The following ECE1 variants were observed in gnomAD, a reference collection of about 807,000 sequenced individuals.
The protein encoded by ECE1 is endothelin-converting enzyme 1.
In ECE1, 35 loss-of-function variants were observed where a neutral mutation model predicts 98.6. The ratio of observed to expected loss-of-function variants is 0.35; its 90% CI spans 0.27 to 0.47. The LOEUF (loss-of-function observed/expected upper bound fraction) is 0.47. Among genes scored for constraint, ECE1 ranks in the 20% least tolerant of loss-of-function variants. The pLI is 1.00. For synonymous variants in ECE1, 394 were observed against 407.1 expected (o/e 0.97, Z 0.39); for missense variants, 814 against 1,025.3 (o/e 0.79, Z 2.81).
intron 10 of ECE1, 52 bp from the exon 11 acceptor site, chr1:21,238,296 A>G: frequency 6.9e-7 from 1 of 1,452,670 alleles, no homozygotes; most frequent in Non-Finnish European, 9.6e-7. Context: ...TTGTTTCCCA[A>G]CCCCTTTCTT....
intron 3 of ECE1, among the ~76,000 whole-genome samples, chr1:21,273,573 G>A (rs1012030151): frequency 1.1e-4 from 17 of 152,144 alleles, no homozygotes; most frequent in African/African-American, 3.6e-4. Context: ...CAGGACATAG[G>A]AAGGAGGAAA....
At position 21,218,012 on chromosome 1, in the gene ECE1, G is replaced by A. The variant is rs28368057; in HGVS notation, c.*1943C>T. ...GGAAAGCGGTGGCTGTGGAGGGCAC[G>A]TGCTGCCCCCACCTCCGTCTCGGGG... On this transcript the variant is annotated 3_prime_UTR_variant, in exon 19 of 19. Transcript: ENST00000374893. This position sits in a 1 kb window ranked among gnomAD's most constrained non-coding sequence, Gnocchi z 4.0. The A allele has an allele frequency of 0.027, 4,174 of 152,662 alleles. 88 individuals carry two copies. The highest frequency in any genetic ancestry group is 0.034 in the Non-Finnish European group (2,330 of 68,356). The allele number at this position is 152,662 out of a possible 1,614,324, so 9.5% of individuals were successfully genotyped here.
At chr1:21,315,113 C>T (rs1036187444) in intron 1 of ECE1, among the ~76,000 whole-genome samples, 1 of 152,222 alleles carries the variant, frequency 6.6e-6, no homozygotes, top group Non-Finnish European at 1.5e-5. Flanking sequence ...AATTTCAAAT[C>T]TATCTCTCTG....
intron 4 of ECE1, chr1:21,266,142 T>G (rs1189471594): frequency 6.6e-6 from 1 of 152,280 alleles, no homozygotes; most frequent in African/African-American, 2.4e-5. Flanking sequence ...TGGGGTATGA[T>G]AGGGGTGTCT....
chr1:21,333,476 A>C (rs1639247264), intron 1 of ECE1, among the ~76,000 whole-genome samples: 1 of 152,186 alleles, frequency 6.6e-6, no homozygotes, highest in East Asian at 1.9e-4. Context: ...CGTTCATCAG[A>C]AAACAGCATA....
chr1:21,267,932 T>C (rs1243327449), intron 4 of ECE1, among the ~76,000 whole-genome samples: 1 of 152,264 alleles, frequency 6.6e-6, no homozygotes, highest in African/African-American at 2.4e-5. Flanking sequence ...TGGAATATTG[T>C]ATGTCTATCT....
At chr1:21,241,861 T>TCGATCTGAC (rs2098196830) in intron 10 of ECE1, among the ~76,000 whole-genome samples, 2 of 152,188 alleles carry the variant, frequency 1.3e-5, no homozygotes, top group South Asian at 4.1e-4. Flanking sequence ...GAGGGTCTGA[T>TCGATCTGAC]CGATCTGACC....
At chr1:21,246,502 A>G (rs977881872) in intron 9 of ECE1, among the ~76,000 whole-genome samples, 1 of 150,982 alleles carries the variant, frequency 6.6e-6, no homozygotes, top group African/African-American at 2.4e-5. Context: ...CCATCTCAAA[A>G]AAAAAAAAAA....
At chr1:21,291,125 C>T (rs2098266257), upstream of ECE1, among the ~76,000 whole-genome samples, 1 of 152,062 alleles carries the variant, frequency 6.6e-6, no homozygotes, top group African/African-American at 2.4e-5. Context: ...CTCGGAGCCT[C>T]AGCCAGGTGC....
At chr1:21,279,756 C>T (rs2103339680) in intron 2 of ECE1, 1 of 1,213,784 alleles carries the variant, frequency 8.2e-7, no homozygotes, top group Non-Finnish European at 1.0e-6. Flanking sequence ...ACAGCCATGG[C>T]TCACACTTCC....
intron 17 of ECE1, among the ~76,000 whole-genome samples, chr1:21,223,031 C>G (rs1318760614): frequency 2.0e-5 from 3 of 148,760 alleles, no homozygotes; most frequent in East Asian, 2.1e-4. Flanking sequence ...CTGGAGTGCA[C>G]TGGCACAATC....
intron 4 of ECE1, among the ~76,000 whole-genome samples, chr1:21,271,533 A>G (rs1426466124): frequency 6.6e-6 from 1 of 152,144 alleles, no homozygotes; most frequent in Non-Finnish European, 1.5e-5. Flanking sequence ...ACTTTTCAGA[A>G]TGCAGCCTCT....
chr1:21,269,903 A>T (rs2098238237), intron 4 of ECE1, among the ~76,000 whole-genome samples: 1 of 152,164 alleles, frequency 6.6e-6, no homozygotes, highest in Non-Finnish European at 1.5e-5. Context: ...GTCAGGGTTG[A>T]ATGCATGATT....
chr1:21,246,122 G>A (rs2098203152), intron 9 of ECE1, among the ~76,000 whole-genome samples: 1 of 152,106 alleles, frequency 6.6e-6, no homozygotes, highest in Non-Finnish European at 1.5e-5. Flanking sequence ...TAACAAGTAA[G>A]TTTGGGGAGT....
At chr1:21,234,641 G>A (rs1284134402) in intron 13 of ECE1, among the ~76,000 whole-genome samples, 2 of 152,042 alleles carry the variant, frequency 1.3e-5, no homozygotes, top group East Asian at 1.9e-4. Context: ...AACATGCCCA[G>A]CTAATCTTTA....
At position 21,290,237 on chromosome 1, in the gene ECE1, G is replaced by GCGCCGC. The variant is rs752945946; in HGVS notation, c.52-87_52-82dup. ...GAATGGGGAAGCGGCCCCGACCCTG[G>GCGCCGC]CGCCGCCGCCGCCGCGCCCCGCCCC... On this transcript the variant is annotated intron_variant, in intron 1 of 18. Coordinates refer to ENST00000374893, the MANE Select transcript of ECE1 (RefSeq NM_001397.3). This position sits in a 1 kb window ranked among gnomAD's most constrained non-coding sequence, Gnocchi z 7.3. 7 of 1,394,224 alleles carry GCGCCGC rather than the reference G, an allele frequency of 5.0e-6. No homozygotes were observed. The African/African-American group carries it at 1.0e-4, about 21-fold the overall frequency. The allele number at this position is 1,394,224 out of a possible 1,614,324, so 86.4% of individuals were successfully genotyped here.
intron 17 of ECE1, among the ~76,000 whole-genome samples, chr1:21,224,251 C>T (rs1367999947): frequency 3.3e-5 from 5 of 152,184 alleles, no homozygotes; most frequent in African/African-American, 1.2e-4. Context: ...ATTCCTTTTA[C>T]CCCCCGTTAT....
upstream of ECE1, chr1:21,293,865 G>C (rs980449570): frequency 6.6e-6 from 1 of 152,460 alleles, no homozygotes; most frequent in African/African-American, 2.4e-5. Context: ...AGCTTACAGA[G>C]AGGGGGAGGG....
In ECE1 at chr1:21,255,999, T is replaced by C. The variant is rs750364552; in HGVS notation, c.968A>G (p.Lys323Arg). The C allele has an allele frequency of 1.9e-6, 3 of 1,614,108 alleles. No homozygotes were observed. Among genetic ancestry groups the C allele is most frequent in the Non-Finnish European group, 2.5e-6 (3 of 1,179,922 alleles). The change falls in exon 8 of 19, where the codon AAG (lysine) becomes AGG (arginine). Residue 323 changes from lysine (K) to arginine (R), a missense_variant. This residue lies in a region of ECE1 where 105 missense variants were observed against 179.1 expected (regional missense o/e 0.59). Transcript: ENST00000374893. ...ALANITIPQE[K>R]RRDEELIYHK... ...GTAGATGAGCTCCTCATCACGGCGC[T>C]TCTCCTGTGGGATGGTGATGTTGGC...
Sources: gnomAD v4.1 joint callset for allele counts (sites outside exome capture counted in the v4.1 genomes callset) on GRCh38, gnomAD v4.1.1 for gene constraint, gnomAD v4.1.1 regional missense constraint, Gnocchi (gnomAD v3.1) non-coding constraint, MANE v1.5 for transcripts, NCBI Gene and HGNC (gene_info 2026-07-23, HGNC 2026-07-21) for gene names.